The following ADAP1 variants were observed in gnomAD, a reference collection of about 807,000 sequenced individuals.
The protein encoded by ADAP1 is arf-GAP with dual PH domain-containing protein 1.
Under a neutral mutation model 54.9 loss-of-function variants are expected in ADAP1, and 31 were observed. That is an observed-to-expected ratio of 0.56 (90% CI 0.42 to 0.76). The LOEUF (loss-of-function observed/expected upper bound fraction) is 0.76. ADAP1 is among the 30% of genes least tolerant of loss of function. The probability of loss-of-function intolerance (pLI) is 0.00; values close to 1 mark genes in which losing one functional copy is unlikely to be tolerated. For synonymous variants in ADAP1, 313 were observed against 202.6 expected, an observed-to-expected ratio of 1.55 and a Z score of -4.63; for missense variants, 535 against 512.4, an observed-to-expected ratio of 1.04 and a Z score of -0.42.
Position 905,263 on chromosome 7 carries a change from G to T in ADAP1, c.389-91C>A, listed in dbSNP as rs1845058385. On this transcript the variant is annotated intron_variant, in intron 4 of 10. Transcript: ENST00000265846. ...ATGGACAGGACAGAGGGGACATGGG[G>T]AGAAGACACGGGGGACACGGACGGG... 3 of 769,408 alleles carry T rather than the reference G, an allele frequency of 3.9e-6. No individual in the cohort carries two copies. The South Asian group carries it at 4.2e-5, about 11-fold the overall frequency. 47.7% of individuals were successfully genotyped at this position (769,408 alleles called of 1,614,324 possible).
intron 3 of ADAP1, among the ~76,000 whole-genome samples, chr7:925,666 C>T (rs1846357364): frequency 6.6e-6 from 1 of 152,244 alleles, no homozygotes; most frequent in Non-Finnish European, 1.5e-5. Flanking sequence ...CTGTCTCAGC[C>T]CCCGAGTCAG....
intron 1 of ADAP1, among the ~76,000 whole-genome samples, chr7:939,237 G>C (rs1195845721): frequency 6.6e-6 from 1 of 152,008 alleles, no homozygotes; most frequent in Admixed American, 6.5e-5. Flanking sequence ...GTTGTTTTTT[G>C]AGACAGAGTT....
chr7:921,430 C>G (rs765040272), intron 3 of ADAP1, among the ~76,000 whole-genome samples: 3 of 152,258 alleles, frequency 2.0e-5, no homozygotes, highest in Non-Finnish European at 4.4e-5. Flanking sequence ...CAAGGATCCT[C>G]CTGCCTCGGC....
chr7:948,821 C>A (rs1448107722), intron 1 of ADAP1, among the ~76,000 whole-genome samples: 1 of 152,194 alleles, frequency 6.6e-6, no homozygotes, highest in African/African-American at 2.4e-5. Context: ...CTCAACCTCC[C>A]GAGTAGCTGG....
At chr7:905,285 C>G (rs562260955) in intron 4 of ADAP1, 113 bp from the exon 5 acceptor site, 15 of 235,616 alleles carry the variant, frequency 6.4e-5, no homozygotes, top group South Asian at 2.2e-4. Context: ...GGGACACGGA[C>G]GGGGGACACG....
At chr7:900,286 T>C in intron 7 of ADAP1, 122 bp from the exon 8 acceptor site, 1 of 1,229,184 alleles carries the variant, frequency 8.1e-7, no homozygotes, top group Non-Finnish European at 1.2e-6. Context: ...AGGCCTGGCT[T>C]AGCCTCCGCA....
chr7:934,832 T>C (rs533105456), intron 2 of ADAP1, among the ~76,000 whole-genome samples: 1 of 152,232 alleles, frequency 6.6e-6, no homozygotes, highest in South Asian at 2.1e-4. Flanking sequence ...CCATGCCAAG[T>C]GCTCCGTGAA....
At chr7:915,843 C>G (rs1845912054) in intron 4 of ADAP1, among the ~76,000 whole-genome samples, 2 of 151,754 alleles carry the variant, frequency 1.3e-5, no homozygotes, top group Admixed American at 6.6e-5. Flanking sequence ...TGCCACCCGC[C>G]TGCAGAACCC....
At chr7:953,372 T>C (rs1847313293) in intron 1 of ADAP1, among the ~76,000 whole-genome samples, 1 of 152,210 alleles carries the variant, frequency 6.6e-6, no homozygotes. Context: ...GACCTGGGGC[T>C]GGCAGAGACC....
In ADAP1 at chr7:905,172, C is replaced by A; in HGVS notation, c.389G>T (p.Gly130Val). The change falls in exon 5 of 11, where the codon GGG (glycine) becomes GTG (valine). Residue 130 changes from glycine (G) to valine (V), a missense_variant and splice_region_variant. Transcript: ENST00000265846. ...CTTCCAGAGAAAACCCTCACGGTAC[C>A]CTGTGGGGGAAAGGGGACACGAGTC... ...YPEKQEPYSAGYREGFLWKRG... is the reference protein window; with the variant it reads ...YPEKQEPYSAVYREGFLWKRG... The A allele has an allele frequency of 1.2e-6, 2 of 1,610,336 alleles. No homozygotes were observed. The highest frequency in any genetic ancestry group is 1.7e-6 in the Non-Finnish European group (2 of 1,178,914).
At chr7:929,872 GC>G (rs2128107491) in intron 2 of ADAP1, among the ~76,000 whole-genome samples, 1 of 152,178 alleles carries the variant, frequency 6.6e-6, no homozygotes, top group Admixed American at 6.5e-5. Flanking sequence ...GGAGACTGAG[GC>G]GGGAGGATCA....
intron 2 of ADAP1, chr7:927,256 G>A (rs759480403): frequency 4.0e-6 from 5 of 1,245,342 alleles, no homozygotes; most frequent in Admixed American, 2.8e-5. Context: ...GGAGGCTGTC[G>A]TTCCAGGAGG....
At chr7:903,918 C>T in intron 6 of ADAP1, 1 of 591,332 alleles carries the variant, frequency 1.7e-6, no homozygotes. Flanking sequence ...CACCTGTCTT[C>T]CCATGCTGCC....
At chr7:901,618 G>A (rs1344588974) in intron 6 of ADAP1, among the ~76,000 whole-genome samples, 3 of 151,962 alleles carry the variant, frequency 2.0e-5, no homozygotes, top group East Asian at 1.9e-4. Flanking sequence ...CTCTTCCAGT[G>A]GCCCCACCCA....
rs1174055534 is a variant in ADAP1, at chr7:905,810, A to AGGAGAAG, written c.389-645_389-639dup. Among the ~76,000 whole-genome samples, 100 of 29,746 alleles carry AGGAGAAG rather than the reference A, an allele frequency of 3.4e-3. 13 individuals carry two copies. Among genetic ancestry groups the AGGAGAAG allele is most frequent in the African/African-American group, 3.8e-3 (31 of 8,184 alleles). The allele number at this position is 29,746 out of a possible 152,430, so 19.5% of individuals were successfully genotyped here. A position where few individuals can be genotyped will look rare whatever the true frequency, so the allele number is the denominator to read the frequency against. Reference sequence around the variant, plus strand: ...AGAAAGGAGAAAGGAGAAAGGAGAAAGGAGAAGGGAGAAGGGAGAAGGGAG... The same window carrying AGGAGAAG: ...AGAAAGGAGAAAGGAGAAAGGAGAAAGGAGAAGGGAGAAGGGAGAAGGGAGAAGGGAG... On this transcript the variant is annotated intron_variant, in intron 4 of 10. Transcript: ENST00000265846.
At chr7:952,723 C>T (rs1027480977) in intron 1 of ADAP1, among the ~76,000 whole-genome samples, 1 of 152,180 alleles carries the variant, frequency 6.6e-6, no homozygotes, top group African/African-American at 2.4e-5. Flanking sequence ...CAGCATCCCC[C>T]CTCCATGGCG....
chr7:941,652 T>C (rs565436534), intron 1 of ADAP1, among the ~76,000 whole-genome samples: 6 of 152,284 alleles, frequency 3.9e-5, no homozygotes, highest in South Asian at 4.1e-4. Flanking sequence ...AAAGAAGACC[T>C]ACAGATTTTG....
chr7:921,411 A>G (rs1846187017), intron 3 of ADAP1, among the ~76,000 whole-genome samples: 1 of 152,190 alleles, frequency 6.6e-6, no homozygotes, highest in East Asian at 1.9e-4. Context: ...AGCCTCCAAC[A>G]CCTGCACTCA....
At chr7:900,391 G>A (rs990175634) in intron 7 of ADAP1, 142 bp downstream of exon 7, 3 of 996,606 alleles carry the variant, frequency 3.0e-6, no homozygotes, top group Non-Finnish European at 4.4e-6. Context: ...AGGGCTGCAG[G>A]CACGTCAGGG....
Sources: allele counts gnomAD v4.1 joint callset (sites outside exome capture counted in the v4.1 genomes callset), GRCh38; gene constraint gnomAD v4.1.1; transcripts MANE v1.5; gene names NCBI Gene and HGNC (gene_info 2026-07-23, HGNC 2026-07-21).